Variants in LRRC4B observed in about 807,000 individuals in gnomAD.
The protein encoded by LRRC4B is leucine rich repeat containing 4B.
A neutral mutation model predicts 7.3 loss-of-function variants in LRRC4B; 1 was observed. The ratio of observed to expected loss-of-function variants is 0.14; its 90% CI spans 0.05 to 0.65. The LOEUF (loss-of-function observed/expected upper bound fraction) is 0.65. Ranked by LOEUF, LRRC4B falls within the 30% of genes least tolerant of loss-of-function variation. LRRC4B has a pLI of 0.84. For synonymous variants in LRRC4B, 500 were observed against 499.2 expected (o/e 1.00, Z -0.02); for missense variants, 730 against 1,041.6 (o/e 0.70, Z 4.12).
At chr19:50,520,583 T>A (rs1313132065) in intron 2 of LRRC4B, among the ~76,000 whole-genome samples, 1 of 150,918 alleles carries the variant, frequency 6.6e-6, no homozygotes, top group Non-Finnish European at 1.5e-5. Flanking sequence ...TGAACTGAGA[T>A]TGTGTCACCA....
rs757490715 is a variant in LRRC4B, at chr19:50,548,713, G to A, written c.126C>T (p.Ala42=). The change falls in exon 2 of 3, where the codon GCC becomes GCT. Residue 42 remains alanine (A), a synonymous_variant. Transcript: ENST00000652263. This position sits in a 1 kb window ranked among gnomAD's most constrained non-coding sequence, Gnocchi z 6.8. ...PPLGAGGGGV[A]VTSAAGGGSP... is the part of the protein sequence containing the mutation. ...AGCCCCCTCCGGCGGCAGACGTCACGGCCACTCCACCTCCACCGGCCCCCA... is the reference window on the plus strand; with the variant it reads ...AGCCCCCTCCGGCGGCAGACGTCACAGCCACTCCACCTCCACCGGCCCCCA... The A allele has an allele frequency of 4.4e-5, 68 of 1,542,626 alleles. No individual in the cohort carries two copies. The highest frequency in any genetic ancestry group is 5.1e-5 in the Non-Finnish European group (58 of 1,148,022).
intron 2 of LRRC4B, among the ~76,000 whole-genome samples, chr19:50,522,131 T>C (rs909500647): frequency 2.6e-5 from 4 of 152,040 alleles, no homozygotes; most frequent in African/African-American, 9.7e-5. Context: ...TGAACTGTGA[T>C]CGTGCCACTG....
intron 2 of LRRC4B, among the ~76,000 whole-genome samples, chr19:50,521,252 C>T (rs1033363077): frequency 1.3e-5 from 2 of 152,046 alleles, no homozygotes; most frequent in Non-Finnish European, 1.5e-5. Context: ...TGCGTCTCTG[C>T]GTGTGTGGGC....
chr19:50,538,574 T>TG (rs1568725903), intron 2 of LRRC4B, among the ~76,000 whole-genome samples: 1 of 121,944 alleles, frequency 8.2e-6, no homozygotes, highest in Non-Finnish European at 1.6e-5. Context: ...TTTTTTTTTT[T>TG]TTTTTTTTTT....
Position 50,548,962 on chromosome 19 carries a change from T to C in LRRC4B, c.-35-89A>G. ...GCTTGCCAACACCCAGGCAGCCCCA[T>C]CGCCGCCTCCCTGCCCCATGCCCAG... On this transcript the variant is annotated intron_variant, in intron 1 of 2. Coordinates refer to ENST00000652263, the MANE Select transcript of LRRC4B (RefSeq NM_001080457.2). This position sits in a 1 kb window ranked among gnomAD's most constrained non-coding sequence, Gnocchi z 6.8. 1.5e-6 allele frequency: 1 copy of C among 686,170 alleles called. No homozygotes were observed. Among genetic ancestry groups the C allele is most frequent in the Non-Finnish European group, 2.4e-6 (1 of 419,666 alleles). 42.5% of individuals were successfully genotyped at this position (686,170 alleles called of 1,614,324 possible). A position where few individuals can be genotyped will look rare whatever the true frequency, so the allele number is the denominator to read the frequency against.
At chr19:50,562,707 T>C (rs1192817137) in intron 1 of LRRC4B, among the ~76,000 whole-genome samples, 1 of 150,464 alleles carries the variant, frequency 6.6e-6, no homozygotes, top group Non-Finnish European at 1.5e-5. Context: ...CCTGCCTCAC[T>C]CTCTTCCTCC....
intron 2 of LRRC4B, among the ~76,000 whole-genome samples, chr19:50,538,218 A>C (rs978571544): frequency 6.6e-6 from 1 of 151,746 alleles, no homozygotes; most frequent in Non-Finnish European, 1.5e-5. Flanking sequence ...ACGCACTACC[A>C]CTCCCAGATA....
rs142762274 is a variant in LRRC4B, at chr19:50,534,385, T to C, written c.297+14157A>G. 3.9e-4 allele frequency among the ~76,000 whole-genome samples: 59 copies of C among 152,076 alleles called. No individual in the cohort carries two copies. The East Asian group carries it at 0.011, about 27-fold the overall frequency. On this transcript the variant is annotated intron_variant, in intron 2 of 2. Coordinates refer to ENST00000652263, the MANE Select transcript of LRRC4B (RefSeq NM_001080457.2). ...GTAGGATGGGCAAGGTGGGGATTGG[T>C]TCTTGACGCAGGTAAATCCTCCTGC...
chr19:50,538,211 C>T (rs1161146119), intron 2 of LRRC4B, among the ~76,000 whole-genome samples: 1 of 152,198 alleles, frequency 6.6e-6, no homozygotes. Context: ...TACAGGCACG[C>T]ACTACCACTC....
chr19:50,546,105 C>T (rs988967173), intron 2 of LRRC4B, among the ~76,000 whole-genome samples: 3 of 151,518 alleles, frequency 2.0e-5, no homozygotes, highest in Non-Finnish European at 2.9e-5. Context: ...GAGGCCGAGG[C>T]GGGTGGATCA....
At position 50,516,982 on chromosome 19, in the gene LRRC4B, T is replaced by C. The variant is rs1218816756; in HGVS notation, c.*589A>G. The C allele has an allele frequency of 6.6e-6, 1 of 151,990 alleles. No homozygotes were observed. Among genetic ancestry groups the C allele is most frequent in the African/African-American group, 2.4e-5 (1 of 41,394 alleles). The allele number at this position is 151,990 out of a possible 1,614,324, so 9.4% of individuals were successfully genotyped here. A position where few individuals can be genotyped will look rare whatever the true frequency, so the allele number is the denominator to read the frequency against. On this transcript the variant is annotated 3_prime_UTR_variant, in exon 3 of 3. Transcript: ENST00000652263. ...AGGTAGTCGTTGACGCAAACCTCCC[T>C]TCAGTATCAAAAGTGTCTGTGGGGC...
intron 2 of LRRC4B, among the ~76,000 whole-genome samples, chr19:50,543,342 G>GTGTGTGTGTA (rs1265584824): frequency 6.6e-6 from 1 of 151,398 alleles, no homozygotes; most frequent in East Asian, 1.9e-4. Flanking sequence ...CCTGGTGTGT[G>GTGTGTGTGTA]TGTGTGTGTG....
Position 50,517,717 on chromosome 19 carries a change from C to T in LRRC4B, c.1996G>A (p.Val666Met), listed in dbSNP as rs1980341964. The T allele has an allele frequency of 2.6e-6, 4 of 1,554,108 alleles. No homozygotes were observed. The highest frequency in any genetic ancestry group is 1.4e-5 in the African/African-American group (1 of 71,194). Residue 666 changes from valine to methionine, a missense_variant, in exon 3 of 3, where the codon GTG becomes ATG. Around this residue, in one of 6 missense-constraint regions of LRRC4B, gnomAD observed 160 missense variants for 163.9 expected, o/e 0.98. Transcript: ENST00000652263. This position sits in a 1 kb window ranked among gnomAD's most constrained non-coding sequence, Gnocchi z 6.6. ...TAGTGCGCCTTGAAGGCGGCAGCCA[C>T]GTAGTGGTGGTGGTTGAGGTGGTCT... ...ERDHLNHHHY[V>M]AAAFKAHYSS... is the part of the protein sequence containing the mutation.
intron 1 of LRRC4B, among the ~76,000 whole-genome samples, chr19:50,558,632 T>A (rs944254396): frequency 6.6e-6 from 1 of 152,254 alleles, no homozygotes; most frequent in Admixed American, 6.5e-5. Flanking sequence ...CACACGAGGC[T>A]ACGGAGCACG....
Position 50,517,455 on chromosome 19 carries a change from T to A in LRRC4B, c.*116A>T, listed in dbSNP as rs1022632379. ...TGGAAGCCACCTCTCCCCAATTCCC[T>A]GCGTGGTCCCAGAAGGTGGGCTGGG... On this transcript the variant is annotated 3_prime_UTR_variant, in exon 3 of 3. Coordinates refer to ENST00000652263, the MANE Select transcript of LRRC4B (RefSeq NM_001080457.2). This position sits in a 1 kb window ranked among gnomAD's most constrained non-coding sequence, Gnocchi z 6.6. The A allele has an allele frequency of 8.0e-5, 77 of 957,348 alleles. No individual in the cohort carries two copies. Among genetic ancestry groups the A allele is most frequent in the Non-Finnish European group, 2.1e-5 (15 of 725,450 alleles). The allele number at this position is 957,348 out of a possible 1,614,324, so 59.3% of individuals were successfully genotyped here. A position where few individuals can be genotyped will look rare whatever the true frequency, so the allele number is the denominator to read the frequency against.
intron 2 of LRRC4B, among the ~76,000 whole-genome samples, chr19:50,536,746 G>A (rs1261311252): frequency 6.6e-6 from 1 of 152,148 alleles, no homozygotes; most frequent in Non-Finnish European, 1.5e-5. Context: ...GGAGAAGAGC[G>A]CCTGGCACAG....
chr19:50,538,893 G>A (rs1350279675), intron 2 of LRRC4B, among the ~76,000 whole-genome samples: 7 of 149,464 alleles, frequency 4.7e-5, no homozygotes, highest in South Asian at 2.1e-4. Flanking sequence ...ACCGCACGCC[G>A]CCTTTTTTTT....
At chr19:50,536,759 C>T (rs1046659191) in intron 2 of LRRC4B, among the ~76,000 whole-genome samples, 2 of 152,098 alleles carry the variant, frequency 1.3e-5, no homozygotes, top group Non-Finnish European at 2.9e-5. Context: ...TGGCACAGGG[C>T]AAGCACATCT....
chr19:50,517,237 C>A lies in LRRC4B; in HGVS notation c.*334G>T, dbSNP rs1026512701. 8.4e-5 allele frequency: 19 copies of A among 225,898 alleles called. 1 individual carries two copies. Among genetic ancestry groups the A allele is most frequent in the African/African-American group, 4.3e-4 (19 of 44,284 alleles). 14.0% of individuals were successfully genotyped at this position (225,898 alleles called of 1,614,324 possible). ...ACACCCCTGGAGAAAGCTCCTCTCT[C>A]CCCTGGAAGGCGGCGGGCCCGGAAC... On this transcript the variant is annotated 3_prime_UTR_variant, in exon 3 of 3. Transcript: ENST00000652263. This position sits in a 1 kb window ranked among gnomAD's most constrained non-coding sequence, Gnocchi z 6.6.
Sources: allele counts gnomAD v4.1 joint callset (sites outside exome capture counted in the v4.1 genomes callset), GRCh38; gene constraint gnomAD v4.1.1; regional missense constraint gnomAD v4.1.1; non-coding constraint Gnocchi (gnomAD v3.1); transcripts MANE v1.5; gene names NCBI Gene and HGNC (gene_info 2026-07-23, HGNC 2026-07-21).